The following NEDD4L variants were observed in gnomAD, a reference collection of about 807,000 sequenced individuals.
NEDD4L encodes the protein NEDD4 like E3 ubiquitin protein ligase, also known as E3 ubiquitin-protein ligase NEDD4-like.
A neutral mutation model predicts 148.9 loss-of-function variants in NEDD4L; 54 were observed. The observed-to-expected ratio is 0.36, with a 90% confidence interval of 0.29 to 0.45. NEDD4L has a LOEUF of 0.45. Among genes scored for constraint, NEDD4L ranks in the 20% least tolerant of loss-of-function variants. The probability of loss-of-function intolerance (pLI) is 1.00; values close to 1 mark genes in which losing one functional copy is unlikely to be tolerated. For missense variants in NEDD4L, 856 were observed against 1,233.8 expected (o/e 0.69, Z 4.59); for synonymous variants, 433 against 440.7 (o/e 0.98, Z 0.22).
intron 1 of NEDD4L, among the ~76,000 whole-genome samples, chr18:58,068,231 G>A (rs912747207): frequency 3.1e-5 from 4 of 128,232 alleles, no homozygotes; most frequent in South Asian, 2.4e-4. Context: ...ACGGAGTCTC[G>A]CTCTGTTGCC....
intron 20 of NEDD4L, 114 bp from the exon 21 acceptor site, chr18:58,365,885 A>G (rs1362580321): frequency 3.0e-6 from 2 of 674,628 alleles, no homozygotes; most frequent in Non-Finnish European, 2.5e-6. Context: ...ACCATTTGTC[A>G]CTGCCTGTTT....
intron 25 of NEDD4L, among the ~76,000 whole-genome samples, chr18:58,384,834 C>T (rs987382870): frequency 6.6e-6 from 1 of 152,180 alleles, no homozygotes; most frequent in African/African-American, 2.4e-5. Flanking sequence ...GGTGAGAACC[C>T]TTCAGAATGA....
At chr18:58,372,124 T>C (rs945326617) in intron 23 of NEDD4L, 2 of 152,124 alleles carry the variant, frequency 1.3e-5, no homozygotes, top group African/African-American at 4.8e-5. Flanking sequence ...TACTTATTTA[T>C]TTTTTTGGCG....
rs996526703 is a variant in NEDD4L, at chr18:58,047,561, A to G, written c.48+2853A>G. 9.4e-6 allele frequency: 9 copies of G among 959,846 alleles called. No homozygotes were observed. In the Admixed American group the frequency reaches 1.8e-4, roughly 20 times the overall value. The allele number at this position is 959,846 out of a possible 1,614,324, so 59.5% of individuals were successfully genotyped here. ...CTTGTGTGAATGTATGTGCTGTTTA[A>G]TTTTTTCTGTGTGTTTCGGGCGGAG... On this transcript the variant is annotated intron_variant, in intron 1 of 30. Coordinates refer to ENST00000400345, the MANE Select transcript of NEDD4L (RefSeq NM_001144967.3).
At chr18:58,369,108 G>C (rs534230298) in intron 22 of NEDD4L, among the ~76,000 whole-genome samples, 18 of 152,240 alleles carry the variant, frequency 1.2e-4, no homozygotes, top group Non-Finnish European at 2.2e-4. Context: ...TGTCTGAGCA[G>C]AAGGGAGTGC....
At chr18:58,081,357 A>G (rs2083423191) in intron 1 of NEDD4L, among the ~76,000 whole-genome samples, 1 of 151,780 alleles carries the variant, frequency 6.6e-6, no homozygotes, top group South Asian at 2.1e-4. Context: ...CTGGGACTAC[A>G]GGTGCCTACC....
intron 1 of NEDD4L, among the ~76,000 whole-genome samples, chr18:58,049,586 G>C (rs1268839492): frequency 1.1e-4 from 16 of 152,110 alleles, no homozygotes; most frequent in Admixed American, 1.0e-3. Flanking sequence ...AGGACATATA[G>C]GTAATGTTTG....
At chr18:58,391,773 C>T (rs1376667448) in intron 30 of NEDD4L, among the ~76,000 whole-genome samples, 1 of 152,204 alleles carries the variant, frequency 6.6e-6, no homozygotes, top group Non-Finnish European at 1.5e-5. Context: ...CTCAGGCCTC[C>T]CTGCTGTGGG....
At chr18:58,333,656 T>A (rs2041328367) in intron 11 of NEDD4L, among the ~76,000 whole-genome samples, 162 bp from the exon 12 acceptor site, 1 of 152,234 alleles carries the variant, frequency 6.6e-6, no homozygotes, top group Non-Finnish European at 1.5e-5. Flanking sequence ...AAAGATAACT[T>A]TTTCAAGGAT....
At chr18:58,320,187 A>G (rs1363901721) in intron 6 of NEDD4L, among the ~76,000 whole-genome samples, 1 of 152,190 alleles carries the variant, frequency 6.6e-6, no homozygotes, top group Non-Finnish European at 1.5e-5. Context: ...TAGATTGCTC[A>G]TGCCCACTGG....
In NEDD4L at chr18:58,044,435, G is replaced by T. The variant is rs2081480691; in HGVS notation, c.-226G>T. ...GGTGCTCGGCGCGCTCTCGGGAGCC[G>T]CCCGCCCGCTGGTCCCGCAGCCTTC... On this transcript the variant is annotated 5_prime_UTR_variant, in exon 1 of 31. Transcript: ENST00000400345. 2 of 399,540 alleles carry T rather than the reference G, an allele frequency of 5.0e-6. No individual in the cohort carries two copies. The highest frequency in any genetic ancestry group is 7.9e-6 in the Non-Finnish European group (2 of 252,420). The allele number at this position is 399,540 out of a possible 1,614,324, so 24.7% of individuals were successfully genotyped here.
intron 2 of NEDD4L, among the ~76,000 whole-genome samples, chr18:58,228,539 C>T (rs1255385356): frequency 6.6e-6 from 1 of 152,182 alleles, no homozygotes; most frequent in Non-Finnish European, 1.5e-5. Context: ...GTGGGTGAGG[C>T]ATAGGCTATT....
At chr18:58,347,111 G>T (rs1279074085) in intron 16 of NEDD4L, among the ~76,000 whole-genome samples, 1 of 151,008 alleles carries the variant, frequency 6.6e-6, no homozygotes, top group Non-Finnish European at 1.5e-5. Flanking sequence ...CACTTTAGCA[G>T]ATCTTTGAAA....
chr18:58,104,113 G>A (rs373870521), intron 1 of NEDD4L, among the ~76,000 whole-genome samples: 6 of 152,328 alleles, frequency 3.9e-5, no homozygotes, highest in East Asian at 3.9e-4. Context: ...ATATATCCAC[G>A]CACTGGAATA....
chr18:58,372,717 AG>A (rs2047041696), intron 23 of NEDD4L: 1 of 155,086 alleles, frequency 6.4e-6, no homozygotes, highest in African/African-American at 2.4e-5. Context: ...CTAGCTACTC[AG>A]GAGGCTGAGG....
chr18:58,389,359 T>G, intron 28 of NEDD4L, 167 bp downstream of exon 28: 1 of 555,424 alleles, frequency 1.8e-6, no homozygotes, highest in Non-Finnish European at 3.2e-6. Flanking sequence ...AGCAGCCCCG[T>G]GGTGGCTCCT....
chr18:58,264,147 CT>C (rs2049876894), intron 5 of NEDD4L, among the ~76,000 whole-genome samples: 1 of 152,016 alleles, frequency 6.6e-6, no homozygotes, highest in Non-Finnish European at 1.5e-5. Context: ...CAGTAATTAT[CT>C]TTTTTGCTAA....
At chr18:58,317,207 G>C (rs2058364689) in intron 6 of NEDD4L, among the ~76,000 whole-genome samples, 1 of 152,246 alleles carries the variant, frequency 6.6e-6, no homozygotes, top group African/African-American at 2.4e-5. Context: ...TGAAGCTCCA[G>C]GGTGCCACGG....
At chr18:58,267,735 A>T (rs529745168) in intron 5 of NEDD4L, among the ~76,000 whole-genome samples, 15 of 152,024 alleles carry the variant, frequency 9.9e-5, no homozygotes, top group African/African-American at 3.6e-4. Context: ...GCGTGGGTGG[A>T]TATATTTTTG....
Sources: allele counts gnomAD v4.1 joint callset (sites outside exome capture counted in the v4.1 genomes callset), GRCh38; gene constraint gnomAD v4.1.1; transcripts MANE v1.5; gene names NCBI Gene and HGNC (gene_info 2026-07-23, HGNC 2026-07-21).